The following PDE9A variants were observed in gnomAD, a reference collection of about 807,000 sequenced individuals.
The protein encoded by PDE9A is high affinity cGMP-specific 3',5'-cyclic phosphodiesterase 9A.
Under a neutral mutation model 87.4 loss-of-function variants are expected in PDE9A, and 60 were observed. The ratio of observed to expected loss-of-function variants is 0.69; its 90% confidence interval spans 0.56 to 0.85. The LOEUF is 0.85. PDE9A is among the 40% of genes least tolerant of loss of function. The pLI is 0.00. For missense variants in PDE9A, 665 were observed against 779.0 expected (o/e 0.85, Z 1.74); for synonymous variants, 272 against 279.4 (o/e 0.97, Z 0.27).
intron 1 of PDE9A, among the ~76,000 whole-genome samples, chr21:42,661,560 C>G (rs1012222888): frequency 2.6e-5 from 4 of 152,070 alleles, no homozygotes. Context: ...AGCACGTGTC[C>G]GAATTTCCTG....
chr21:42,760,754 C>A lies in PDE9A; in HGVS notation c.1003-71C>A. On this transcript the variant is annotated intron_variant, in intron 12 of 19. Coordinates refer to ENST00000291539, the MANE Select transcript of PDE9A (RefSeq NM_002606.3). The surrounding 1 kb of genome is among the most constrained non-coding windows in gnomAD (Gnocchi z 5.2). ...TCCCCCGCTTACCACTCACCCAATTCCACCCCCCCTCACCCCATCCCACCC... is the reference window on the plus strand; with the variant it reads ...TCCCCCGCTTACCACTCACCCAATTACACCCCCCCTCACCCCATCCCACCC... 1.3e-6 allele frequency: 1 copy of A among 752,366 alleles called. No individual in the cohort carries two copies. Among genetic ancestry groups the A allele is most frequent in the Non-Finnish European group, 2.2e-6 (1 of 446,402 alleles). The allele number at this position is 752,366 out of a possible 1,614,324, so 46.6% of individuals were successfully genotyped here.
intron 8 of PDE9A, 54 bp from the exon 9 acceptor site, chr21:42,751,062 C>A: frequency 8.6e-7 from 1 of 1,168,826 alleles, no homozygotes; most frequent in Non-Finnish European, 1.3e-6. Flanking sequence ...GTGCTGAGGG[C>A]TTCACCAGAC....
intron 1 of PDE9A, among the ~76,000 whole-genome samples, chr21:42,670,357 TCCACACACAC>T (rs1296215003): frequency 2.3e-5 from 3 of 129,838 alleles, no homozygotes; most frequent in Admixed American, 2.2e-4. Flanking sequence ...TACACACACA[TCCACACACAC>T]ATTCACACAC....
At chr21:42,698,826 A>C (rs936839080) in intron 3 of PDE9A, 142 bp from the exon 4 acceptor site, 2 of 523,310 alleles carry the variant, frequency 3.8e-6, no homozygotes, top group Non-Finnish European at 6.8e-6. Context: ...ACAGTCAAAG[A>C]AGCTAATTTA....
At chr21:42,687,584 G>A (rs572402112) in intron 2 of PDE9A, among the ~76,000 whole-genome samples, 66 of 152,080 alleles carry the variant, frequency 4.3e-4, no homozygotes, top group Non-Finnish European at 8.5e-4. Flanking sequence ...CTATGAGTTC[G>A]TCATCTGCTG....
intron 7 of PDE9A, among the ~76,000 whole-genome samples, chr21:42,738,982 C>T (rs867122494): frequency 1.3e-5 from 2 of 152,216 alleles, no homozygotes; most frequent in African/African-American, 2.4e-5. Flanking sequence ...TGAGCCACTG[C>T]GCCCGGCCTA....
chr21:42,719,279 C>G (rs978086166), intron 4 of PDE9A, among the ~76,000 whole-genome samples: 26 of 151,908 alleles, frequency 1.7e-4, no homozygotes, highest in African/African-American at 6.0e-4. Context: ...CAACCTGGAA[C>G]TTTCTGCTTA....
In PDE9A at chr21:42,769,488, ACACAAGGCACGCAGGTACACATG is replaced by A. The variant is rs2056754193; in HGVS notation, c.1590+338_1590+360del. Among the ~76,000 whole-genome samples, 4 of 9,610 alleles carry A rather than the reference ACACAAGGCACGCAGGTACACATG, an allele frequency of 4.2e-4. No homozygotes were observed. In the South Asian group the frequency reaches 0.011, roughly 27 times the overall value. 6.3% of individuals were successfully genotyped at this position (9,610 alleles called of 152,430 possible). A position where few individuals can be genotyped will look rare whatever the true frequency, so the allele number is the denominator to read the frequency against. On this transcript the variant is annotated intron_variant, in intron 17 of 19. Coordinates refer to ENST00000291539, the MANE Select transcript of PDE9A (RefSeq NM_002606.3). The stretch of plus-strand genomic sequence containing the variant: ...CAAATGTGCATGCAGGTACACATGC[ACACAAGGCACGCAGGTACACATG>A]CACACAAGGCACACAGGCACACACA...
At chr21:42,691,776 A>G (rs2059854187) in intron 3 of PDE9A, among the ~76,000 whole-genome samples, 1 of 146,356 alleles carries the variant, frequency 6.8e-6, no homozygotes, top group African/African-American at 2.6e-5. Context: ...CATGACCATC[A>G]CCATCCAAAG....
Position 42,692,195 on chromosome 21 carries a change from C to T in PDE9A, c.218+4201C>T, listed in dbSNP as rs35108616. On this transcript the variant is annotated intron_variant, in intron 3 of 19. Transcript: ENST00000291539. This position sits in a 1 kb window ranked among gnomAD's most constrained non-coding sequence, Gnocchi z 4.3. ...GGTGCAGGATGGAATGAGTTGGGGA[C>T]GGAGTGAACCAGTCCAGCTCGTGCG... 0.022 allele frequency among the ~76,000 whole-genome samples: 3,421 copies of T among 152,308 alleles called. 67 individuals are homozygous for T. Among genetic ancestry groups the T allele is most frequent in the Middle Eastern group, 0.037 (11 of 294 alleles).
intron 10 of PDE9A, among the ~76,000 whole-genome samples, chr21:42,755,525 G>A (rs77420973): frequency 2.4e-4 from 36 of 152,340 alleles, no homozygotes; most frequent in African/African-American, 7.0e-4. Context: ...GGACCGGGGC[G>A]CAGAGACGAC....
At chr21:42,669,572 C>T (rs71320539) in intron 1 of PDE9A, among the ~76,000 whole-genome samples, 4,102 of 152,260 alleles carry the variant, frequency 0.027, 71 homozygotes, top group Middle Eastern at 0.051. Flanking sequence ...TTCGGAGCCT[C>T]GGCGTCAAAA....
chr21:42,655,854 C>T (rs2057022652), intron 1 of PDE9A, among the ~76,000 whole-genome samples: 1 of 151,760 alleles, frequency 6.6e-6, no homozygotes, highest in African/African-American at 2.4e-5. Context: ...TTGCTTGCTC[C>T]TGAGCTGCCC....
chr21:42,754,090 C>T lies in PDE9A; in HGVS notation c.810+26C>T, dbSNP rs141470511. The T allele has an allele frequency of 1.2e-4, 188 of 1,519,882 alleles. No homozygotes were observed. In the African/African-American group the frequency reaches 1.9e-3, roughly 16 times the overall value. 94.1% of individuals were successfully genotyped at this position (1,519,882 alleles called of 1,614,324 possible). On this transcript the variant is annotated intron_variant, in intron 10 of 19. Transcript: ENST00000291539. Reference sequence around the variant, plus strand: ...GTAAGTGCGGGGCTTGCAGGCACCACGTCCCAGGGGGAGGCAGCTCAGGAT... The same window carrying T: ...GTAAGTGCGGGGCTTGCAGGCACCATGTCCCAGGGGGAGGCAGCTCAGGAT...
chr21:42,680,746 A>G (rs1602011945), intron 1 of PDE9A, among the ~76,000 whole-genome samples: 1 of 152,020 alleles, frequency 6.6e-6, no homozygotes, highest in Non-Finnish European at 1.5e-5. Flanking sequence ...CTTGCTGTGA[A>G]CCCACCGCTT....
At chr21:42,724,650 T>TG (rs1370947021) in intron 4 of PDE9A, 1 of 948,330 alleles carries the variant, frequency 1.1e-6, no homozygotes, top group Non-Finnish European at 1.3e-6. Flanking sequence ...TACCACCACC[T>TG]GGGCAGTGCC....
At chr21:42,693,025 G>A (rs921915630) in intron 3 of PDE9A, among the ~76,000 whole-genome samples, 1 of 152,206 alleles carries the variant, frequency 6.6e-6, no homozygotes, top group South Asian at 2.1e-4. Context: ...ATGGTGCTGC[G>A]TGGAAAAGGG....
At position 42,678,029 on chromosome 21, in the gene PDE9A, T is replaced by C. The variant is rs57954540; in HGVS notation, c.70-8163T>C. 5.3e-3 allele frequency among the ~76,000 whole-genome samples: 807 copies of C among 152,364 alleles called. 7 individuals carry two copies. Among genetic ancestry groups the C allele is most frequent in the African/African-American group, 0.018 (757 of 41,588 alleles). ...AGAAACCCACAATTTCCAGTGGTCA[T>C]TGGCTTTGTGCCAATCCAAACTAGA... is the stretch of plus-strand genomic sequence containing the variant. On this transcript the variant is annotated intron_variant, in intron 1 of 19. Transcript: ENST00000291539.
In PDE9A at chr21:42,659,591, C is replaced by T. The variant is rs952947598; in HGVS notation, c.69+5708C>T. Among the ~76,000 whole-genome samples, 1 of 152,240 alleles carries T rather than the reference C, an allele frequency of 6.6e-6. No homozygotes were observed. Among genetic ancestry groups the T allele is most frequent in the Non-Finnish European group, 1.5e-5 (1 of 68,036 alleles). On this transcript the variant is annotated intron_variant, in intron 1 of 19. Transcript: ENST00000291539. The surrounding 1 kb of genome is among the most constrained non-coding windows in gnomAD (Gnocchi z 4.1). ...TCAGGCCTGGGCACAGCATAGCCCCCATGACGCTTCTCTCATCCTGGACCC... is the reference window on the plus strand; with the variant it reads ...TCAGGCCTGGGCACAGCATAGCCCCTATGACGCTTCTCTCATCCTGGACCC...
Sources: gnomAD v4.1 joint callset for allele counts (sites outside exome capture counted in the v4.1 genomes callset) on GRCh38, gnomAD v4.1.1 for gene constraint, Gnocchi (gnomAD v3.1) non-coding constraint, MANE v1.5 for transcripts, NCBI Gene and HGNC (gene_info 2026-07-23, HGNC 2026-07-21) for gene names.